The following ENAH variants were observed in gnomAD, a reference collection of about 807,000 sequenced individuals.
The protein encoded by ENAH is ENAH actin regulator.
Under a neutral mutation model 78.7 loss-of-function variants are expected in ENAH, and 23 were observed. That is an observed-to-expected ratio of 0.29 (90% CI 0.21 to 0.41). The LOEUF is 0.41. Among genes scored for constraint, ENAH ranks in the 10% least tolerant of loss-of-function variants. The pLI is 1.00. For missense variants in ENAH, 544 were observed against 691.0 expected (o/e 0.79, Z 2.39); for synonymous variants, 226 against 241.0 (o/e 0.94, Z 0.58).
At chr1:225,598,502 T>C (rs1213470570) in intron 1 of ENAH, among the ~76,000 whole-genome samples, 1 of 151,914 alleles carries the variant, frequency 6.6e-6, no homozygotes, top group East Asian at 1.9e-4. Context: ...TGAAATAAAG[T>C]ACCTATCTTA....
intron 1 of ENAH, among the ~76,000 whole-genome samples, chr1:225,645,849 C>A (rs1661858258): frequency 6.6e-6 from 1 of 152,184 alleles, no homozygotes; most frequent in Admixed American, 6.5e-5. Context: ...TAGAGTCAAA[C>A]CCAGAGTTAA....
intron 1 of ENAH, among the ~76,000 whole-genome samples, chr1:225,597,503 A>C (rs2096907399): frequency 1.3e-5 from 2 of 151,932 alleles, no homozygotes; most frequent in African/African-American, 4.8e-5. Flanking sequence ...CTACAAATTT[A>C]AAAATTAGCT....
At chr1:225,526,146 A>C (rs1575411200) in intron 4 of ENAH, among the ~76,000 whole-genome samples, 1 of 152,042 alleles carries the variant, frequency 6.6e-6, no homozygotes, top group Middle Eastern at 3.4e-3. Flanking sequence ...TTGCAAATTC[A>C]ATTTCTTCAC....
intron 11 of ENAH, chr1:225,504,973 G>A (rs773903905): frequency 1.6e-5 from 25 of 1,598,640 alleles, no homozygotes; most frequent in South Asian, 3.3e-5. Flanking sequence ...AAATCACAAC[G>A]TCACAGCAGG....
At chr1:225,613,651 C>A (rs1293191295) in intron 1 of ENAH, among the ~76,000 whole-genome samples, 1 of 151,576 alleles carries the variant, frequency 6.6e-6, no homozygotes, top group Non-Finnish European at 1.5e-5. Context: ...TCTGGTTCAG[C>A]CATAACAACA....
intron 3 of ENAH, among the ~76,000 whole-genome samples, chr1:225,545,732 A>G (rs2096609720): frequency 6.6e-6 from 1 of 152,092 alleles, no homozygotes; most frequent in Admixed American, 6.6e-5. Flanking sequence ...AACGGTCCAG[A>G]AGGGGACCCT....
At position 225,488,506 on chromosome 1, in the gene ENAH, G is replaced by A. The variant is rs1018105983; in HGVS notation, c.*9269C>T. On this transcript the variant is annotated 3_prime_UTR_variant, in exon 14 of 14. Coordinates refer to ENST00000366843, the MANE Select transcript of ENAH (RefSeq NM_018212.6). ...TCCTATAAATACAGACTCCAGAGAG[G>A]TTTCCTCAAAAATTAAAAAAAAAAT... 6.6e-6 allele frequency: 1 copy of A among 151,960 alleles called. No individual in the cohort carries two copies. The highest frequency in any genetic ancestry group is 1.5e-5 in the Non-Finnish European group (1 of 68,014). 9.4% of individuals were successfully genotyped at this position (151,960 alleles called of 1,614,324 possible).
intron 1 of ENAH, among the ~76,000 whole-genome samples, chr1:225,610,564 TG>T (rs1189950269): frequency 5.3e-5 from 8 of 152,292 alleles, no homozygotes; most frequent in African/African-American, 1.9e-4. Context: ...ACCAAGATTA[TG>T]TGACTCAAGA....
intron 1 of ENAH, among the ~76,000 whole-genome samples, chr1:225,593,177 A>C (rs921421445): frequency 2.0e-5 from 3 of 152,076 alleles, no homozygotes; most frequent in Non-Finnish European, 4.4e-5. Flanking sequence ...CAGACTAAAG[A>C]CGTCTAGCCA....
intron 1 of ENAH, among the ~76,000 whole-genome samples, chr1:225,579,915 G>A (rs2096806920): frequency 6.6e-6 from 1 of 152,104 alleles, no homozygotes; most frequent in Admixed American, 6.5e-5. Flanking sequence ...TTAAAGTTTT[G>A]TTATGTTCCT....
At chr1:225,508,057 G>A (rs774394215) in intron 10 of ENAH, 40 bp from the exon 11 acceptor site, 1 of 1,277,132 alleles carries the variant, frequency 7.8e-7, no homozygotes, top group East Asian at 2.5e-5. Context: ...ATAAATAAAT[G>A]CTTCCAGAGT....
chr1:225,553,212 C>T (rs1044601244), intron 3 of ENAH, among the ~76,000 whole-genome samples: 2 of 152,116 alleles, frequency 1.3e-5, no homozygotes, highest in African/African-American at 4.8e-5. Context: ...CCAGCCTGGG[C>T]AACAGAGCTA....
chr1:225,554,265 A>G (rs190343259), intron 3 of ENAH, among the ~76,000 whole-genome samples: 297 of 152,264 alleles, frequency 2.0e-3, no homozygotes, highest in African/African-American at 7.0e-3. Flanking sequence ...ACATTTTTCT[A>G]TTTTTTAAAC....
intron 1 of ENAH, among the ~76,000 whole-genome samples, chr1:225,625,363 T>C (rs1275634965): frequency 1.3e-5 from 2 of 152,116 alleles, no homozygotes; most frequent in African/African-American, 4.8e-5. Flanking sequence ...AGAAATGAGA[T>C]GTTGTCTTAC....
chr1:225,618,935 C>T (rs1437731941), intron 1 of ENAH, among the ~76,000 whole-genome samples: 1 of 152,152 alleles, frequency 6.6e-6, no homozygotes, highest in East Asian at 1.9e-4. Flanking sequence ...TTCTGGCCCA[C>T]AATAGGAGGG....
chr1:225,568,300 G>A (rs2096744421), intron 1 of ENAH, among the ~76,000 whole-genome samples: 2 of 152,288 alleles, frequency 1.3e-5, no homozygotes, highest in Non-Finnish European at 1.5e-5. Context: ...GGAAGCCAAG[G>A]TGGGAGAATA....
At chr1:225,531,289 G>GA (rs540192825) in intron 3 of ENAH, among the ~76,000 whole-genome samples, 7 of 151,130 alleles carry the variant, frequency 4.6e-5, no homozygotes, top group East Asian at 3.9e-4. Context: ...AGGGTAAGAA[G>GA]AAAAAAAAAC....
At chr1:225,610,751 C>T (rs2096983671) in intron 1 of ENAH, among the ~76,000 whole-genome samples, 1 of 152,212 alleles carries the variant, frequency 6.6e-6, no homozygotes, top group East Asian at 1.9e-4. Flanking sequence ...ACACCAATGG[C>T]GACATTTTAA....
At chr1:225,507,386 G>A (rs1360826522) in intron 11 of ENAH, among the ~76,000 whole-genome samples, 5 of 151,906 alleles carry the variant, frequency 3.3e-5, no homozygotes, top group Admixed American at 1.3e-4. Flanking sequence ...AACTAATGGG[G>A]AAATGTGACT....
Sources: allele counts gnomAD v4.1 joint callset (sites outside exome capture counted in the v4.1 genomes callset), GRCh38; gene constraint gnomAD v4.1.1; transcripts MANE v1.5; gene names NCBI Gene and HGNC (gene_info 2026-07-23, HGNC 2026-07-21).